The following IKBKB variants were observed in gnomAD, a reference collection of about 807,000 sequenced individuals.
IKBKB encodes inhibitor of nuclear factor kappa B kinase subunit beta, also known as inhibitor of nuclear factor kappa-B kinase subunit beta.
A neutral mutation model predicts 113.6 loss-of-function variants in IKBKB; 42 were observed. The observed-to-expected ratio is 0.37, with a 90% CI of 0.29 to 0.48. The LOEUF is 0.48. Ranked by LOEUF, IKBKB falls within the 20% of genes least tolerant of loss-of-function variation. The probability of loss-of-function intolerance (pLI) is 0.99; values close to 1 mark genes in which losing one functional copy is unlikely to be tolerated. For missense variants in IKBKB, 673 were observed against 939.7 expected, an observed-to-expected ratio of 0.72 and a Z score of 3.71; for synonymous variants, 296 against 361.3, an observed-to-expected ratio of 0.82 and a Z score of 2.05.
intron 2 of IKBKB, among the ~76,000 whole-genome samples, chr8:42,284,676 A>G (rs1811048259): frequency 6.6e-6 from 1 of 152,076 alleles, no homozygotes; most frequent in Admixed American, 6.6e-5. Context: ...CATAGCAGAT[A>G]TCGTCAGGCA....
chr8:42,280,328 C>G (rs901762427), intron 2 of IKBKB, among the ~76,000 whole-genome samples: 2 of 152,194 alleles, frequency 1.3e-5, no homozygotes, highest in African/African-American at 4.8e-5. Flanking sequence ...TGTGTCGGGA[C>G]TCCCTAAGAC....
At chr8:42,281,254 AG>A in intron 2 of IKBKB, among the ~76,000 whole-genome samples, 1 of 152,326 alleles carries the variant, frequency 6.6e-6, no homozygotes, top group South Asian at 2.1e-4. Flanking sequence ...AAGCCGACTC[AG>A]GTGGGCAGAG....
At chr8:42,297,674 C>T (rs78040154) in intron 5 of IKBKB, among the ~76,000 whole-genome samples, 2 of 152,162 alleles carry the variant, frequency 1.3e-5, no homozygotes, top group Admixed American at 6.5e-5. Flanking sequence ...GCAGATGGAT[C>T]ACCTGAGGTC....
chr8:42,328,247 CTTTTTTTT>C (rs59970761), intron 20 of IKBKB, among the ~76,000 whole-genome samples: 1 of 132,538 alleles, frequency 7.5e-6, no homozygotes, highest in Non-Finnish European at 1.6e-5. Context: ...GCACCCGGCC[CTTTTTTTT>C]TTTTTTTTTT....
chr8:42,316,875 C>T lies in IKBKB; in HGVS notation c.1096C>T (p.Pro366Ser). Reference sequence around the variant, plus strand: ...GGGCCTGGCGTTGATCCCCGATAAGCCTGCCACTCAGTGTATTTCAGACGG... The same window carrying T: ...GGGCCTGGCGTTGATCCCCGATAAGTCTGCCACTCAGTGTATTTCAGACGG... ...EAGLALIPDK[P>S]ATQCISDGKL... is the part of the protein sequence containing the mutation. The change falls in exon 11 of 22, where the codon CCT becomes TCT. Residue 366 changes from proline to serine, a missense_variant. This residue lies in a region of IKBKB where 506 missense variants were observed against 638.7 expected (regional missense o/e 0.79). Transcript: ENST00000520810. This position sits in a 1 kb window ranked among gnomAD's most constrained non-coding sequence, Gnocchi z 4.5. 1 of 1,614,142 alleles carries T rather than the reference C, an allele frequency of 6.2e-7. No homozygotes were observed.
At position 42,331,451 on chromosome 8, in the gene IKBKB, C is replaced by A; in HGVS notation, c.*472C>A. ...TGGTGACAGCCTGTCCTCTCCTGCT[C>A]TCCAAAGGCCCTGCTCCCTGTCCTC... On this transcript the variant is annotated 3_prime_UTR_variant, in exon 22 of 22. Transcript: ENST00000520810. The A allele has an allele frequency of 1.4e-6, 1 of 701,626 alleles. No homozygotes were observed. Among genetic ancestry groups the A allele is most frequent in the South Asian group, 1.5e-5 (1 of 67,388 alleles). The allele number at this position is 701,626 out of a possible 1,614,324, so 43.5% of individuals were successfully genotyped here. A position where few individuals can be genotyped will look rare whatever the true frequency, so the allele number is the denominator to read the frequency against.
At position 42,319,333 on chromosome 8, in the gene IKBKB, T is replaced by C. The variant is rs769052222; in HGVS notation, c.1428T>C (p.Ser476=). The C allele has an allele frequency of 6.2e-7, 1 of 1,614,140 alleles. No homozygotes were observed. Among genetic ancestry groups the C allele is most frequent in the South Asian group, 1.1e-5 (1 of 91,082 alleles). The change falls in exon 14 of 22, where the codon TCT becomes TCC. Residue 476 remains serine, a synonymous_variant. Coordinates refer to ENST00000520810, the MANE Select transcript of IKBKB (RefSeq NM_001556.3). The part of the protein sequence containing the change: ...SKMKNSMASM[S]QQLKAKLDFF... The stretch of plus-strand genomic sequence containing the variant: ...TGAAGAATTCCATGGCTTCCATGTC[T>C]CAGCAGCTCAAGGCCAAGTTGGATT...
intron 2 of IKBKB, among the ~76,000 whole-genome samples, chr8:42,281,537 G>C (rs1225962097): frequency 2.4e-4 from 36 of 152,154 alleles, no homozygotes; most frequent in Non-Finnish European, 1.5e-5. Flanking sequence ...GTGCCCCTTG[G>C]GGGTCTGCAC....
chr8:42,317,209 TAA>T (rs35978252), intron 11 of IKBKB: 2,847 of 293,830 alleles, frequency 9.7e-3, no homozygotes, highest in South Asian at 0.015. Flanking sequence ...CCAAGTGTAC[TAA>T]AAAAAAAAAA....
intron 4 of IKBKB, 67 bp downstream of exon 4, chr8:42,290,340 GGGAGACC>G: frequency 9.6e-7 from 1 of 1,041,864 alleles, no homozygotes; most frequent in Non-Finnish European, 1.5e-6. Flanking sequence ...AAGAGGGATG[GGGAGACC>G]TTTCACTTCT....
At chr8:42,310,475 C>G (rs1324018472) in intron 8 of IKBKB, among the ~76,000 whole-genome samples, 1 of 152,200 alleles carries the variant, frequency 6.6e-6, no homozygotes, top group Non-Finnish European at 1.5e-5. Flanking sequence ...TGTTTCCCCT[C>G]TTTTTTATCC....
intron 2 of IKBKB, among the ~76,000 whole-genome samples, chr8:42,278,980 G>C (rs1326202383): frequency 2.0e-5 from 3 of 151,988 alleles, no homozygotes; most frequent in Admixed American, 6.6e-5. Flanking sequence ...GGCAACAAGA[G>C]CGAAACTCTG....
intron 2 of IKBKB, among the ~76,000 whole-genome samples, chr8:42,274,555 G>A (rs554711584): frequency 2.7e-5 from 4 of 147,810 alleles, no homozygotes; most frequent in East Asian, 2.1e-4. Context: ...GTTTTGAGAC[G>A]GAGTTTTGCT....
At chr8:42,279,844 T>A (rs1809988138) in intron 2 of IKBKB, among the ~76,000 whole-genome samples, 1 of 152,092 alleles carries the variant, frequency 6.6e-6, no homozygotes, top group African/African-American at 2.4e-5. Flanking sequence ...ACTTCTTTAT[T>A]GATTTTTTGT....
rs1220302229 is a variant in IKBKB, at chr8:42,271,536, GCCCGGAAGA to G, written c.-19+71_-19+79del. 9.9e-6 allele frequency: 6 copies of G among 604,990 alleles called. No homozygotes were observed. In the East Asian group the frequency reaches 1.2e-4, roughly 13 times the overall value. The allele number at this position is 604,990 out of a possible 1,614,324, so 37.5% of individuals were successfully genotyped here. A position where few individuals can be genotyped will look rare whatever the true frequency, so the allele number is the denominator to read the frequency against. On this transcript the variant is annotated intron_variant, in intron 1 of 21. Coordinates refer to ENST00000520810, the MANE Select transcript of IKBKB (RefSeq NM_001556.3). The stretch of plus-strand genomic sequence containing the variant: ...GCCCCGCCGCCCCGCTGCCTGCAAG[GCCCGGAAGA>G]CCCCTCTGTGCCGCTGGGAAGTCGC...
chr8:42,329,161 C>G lies in IKBKB; in HGVS notation c.2152C>G (p.Leu718Val). Residue 718 changes from leucine to valine, a missense_variant, in exon 21 of 22, where the codon CTG becomes GTG. By Grantham distance (32) the Leu-to-Val change is conservative. Transcript: ENST00000520810. ...LVAEAHNLCT[L>V]LENAIQDTVR... The stretch of plus-strand genomic sequence containing the variant: ...GGCTGAAGCACATAACCTCTGCACC[C>G]TGCTAGAAAATGCCATACAGGACAC... The G allele has an allele frequency of 1.2e-6, 2 of 1,605,516 alleles. No homozygotes were observed. Among genetic ancestry groups the G allele is most frequent in the Non-Finnish European group, 1.7e-6 (2 of 1,177,162 alleles).
intron 2 of IKBKB, among the ~76,000 whole-genome samples, chr8:42,275,746 G>A (rs1808947249): frequency 6.6e-6 from 1 of 152,328 alleles, no homozygotes; most frequent in African/African-American, 2.4e-5. Context: ...TGCAGTAAAC[G>A]TGAGGGTGCC....
At chr8:42,288,821 C>T (rs1327042880) in intron 3 of IKBKB, 93 bp downstream of exon 3, 40 of 981,986 alleles carry the variant, frequency 4.1e-5, no homozygotes, top group Admixed American at 8.7e-5. Flanking sequence ...GCGTGGCTCA[C>T]GCCTGTAATC....
rs1367419603 is a variant in IKBKB at position 42,309,512 on chromosome 8, T to C, written c.692+487T>C. The C allele has an allele frequency of 9.7e-6, 4 of 412,338 alleles. No homozygotes were observed. In the East Asian group the frequency reaches 3.2e-4, roughly 33 times the overall value. 25.5% of individuals were successfully genotyped at this position (412,338 alleles called of 1,614,324 possible). On this transcript the variant is annotated intron_variant, in intron 8 of 21. Transcript: ENST00000520810. ...GCTCACTCCTGTAATCCCAGCACTT[T>C]GGGAGGCCGAGGCAGGTGGATCAGT...
Sources: allele counts gnomAD v4.1 joint callset (sites outside exome capture counted in the v4.1 genomes callset), GRCh38; gene constraint gnomAD v4.1.1; regional missense constraint gnomAD v4.1.1; non-coding constraint Gnocchi (gnomAD v3.1); transcripts MANE v1.5; gene names NCBI Gene and HGNC (gene_info 2026-07-23, HGNC 2026-07-21).